CEP63: variants seen among roughly 807,000 people sequenced by gnomAD.
The protein encoded by CEP63 is centrosomal protein 63.
Under a neutral mutation model 89.1 loss-of-function variants are expected in CEP63, and 84 were observed. The observed-to-expected ratio is 0.94, with a 90% CI of 0.79 to 1.13. CEP63 has a LOEUF of 1.13. Ranked by LOEUF, CEP63 falls within the 50% of genes most tolerant of loss-of-function variation. The probability of loss-of-function intolerance (pLI) is 0.00; values close to 1 mark genes in which losing one functional copy is unlikely to be tolerated. For missense variants in CEP63, 838 were observed against 813.3 expected (o/e 1.03, Z -0.37); for synonymous variants, 267 against 272.5 (o/e 0.98, Z 0.20).
the CEP63 span, among the ~76,000 whole-genome samples, chr3:134,715,812 C>T: frequency 6.6e-6 from 1 of 152,072 alleles, no homozygotes; most frequent in Non-Finnish European, 1.5e-5. Context: ...ACACCAGAAC[C>T]CTTTGTTCAA....
the CEP63 span, among the ~76,000 whole-genome samples, chr3:134,719,875 G>A: frequency 2.7e-3 from 407 of 152,214 alleles, 1 homozygote; most frequent in Non-Finnish European, 3.4e-3. Context: ...ACTCATCAAC[G>A]AATGAACATT....
chr3:134,764,257 C>T, the CEP63 span, among the ~76,000 whole-genome samples: 2 of 152,136 alleles, frequency 1.3e-5, no homozygotes, highest in Admixed American at 6.6e-5. Context: ...GTTGGGTTTG[C>T]CCTTTCCAAA....
chr3:134,537,850 G>T (rs192060601), intron 6 of CEP63, among the ~76,000 whole-genome samples: 107 of 152,290 alleles, frequency 7.0e-4, no homozygotes, highest in East Asian at 3.9e-4. Flanking sequence ...CATGGCAATG[G>T]TGTGCACACC....
At chr3:134,755,340 G>C in the CEP63 span, among the ~76,000 whole-genome samples, 2 of 152,192 alleles carry the variant, frequency 1.3e-5, no homozygotes, top group African/African-American at 4.8e-5. Context: ...CTCTAGTGGA[G>C]AGTCTGTGAA....
the CEP63 span, among the ~76,000 whole-genome samples, chr3:134,704,676 C>T: frequency 6.6e-6 from 1 of 152,236 alleles, no homozygotes; most frequent in Non-Finnish European, 1.5e-5. Flanking sequence ...AGGGAGTCTG[C>T]TCCCAGACAC....
At position 134,563,226 on chromosome 3, in the gene CEP63, T is replaced by G. The variant is rs1399140601; in HGVS notation, c.*1691T>G. 6.6e-6 allele frequency: 1 copy of G among 152,314 alleles called. No homozygotes were observed. Among genetic ancestry groups the G allele is most frequent in the African/African-American group, 2.4e-5 (1 of 41,434 alleles). 9.4% of individuals were successfully genotyped at this position (152,314 alleles called of 1,614,324 possible). A position where few individuals can be genotyped will look rare whatever the true frequency, so the allele number is the denominator to read the frequency against. On this transcript the variant is annotated 3_prime_UTR_variant, in exon 15 of 15. Transcript: ENST00000675561. ...GGTCCTGTCATTTCTTCCCCCAGAA[T>G]CTTATCTCAGACCCAACCGTTTCCC...
rs6806608 is a variant in CEP63 at position 134,547,001 on chromosome 3, A to G, written c.930-334A>G. ...AGCCCTCTTGCTTGATTTAAGTCTG[A>G]TGCACACTTTTATTTTTGCCAGAAT... On this transcript the variant is annotated intron_variant, in intron 8 of 14. Transcript: ENST00000675561. 1 allele frequency among the ~76,000 whole-genome samples: 151,834 copies of G among 152,336 alleles called. 75,671 individuals are homozygous for G. The highest frequency in any genetic ancestry group is 1 in the Middle Eastern group (294 of 294).
At chr3:134,516,755 TG>T (rs1325773676) in intron 3 of CEP63, among the ~76,000 whole-genome samples, 1 of 152,190 alleles carries the variant, frequency 6.6e-6, no homozygotes, top group Non-Finnish European at 1.5e-5. Flanking sequence ...AGCACAGGGT[TG>T]GGGGTAAGGT....
intron 10 of CEP63, among the ~76,000 whole-genome samples, chr3:134,549,638 T>A (rs1369202961): frequency 1.3e-5 from 2 of 152,206 alleles, no homozygotes; most frequent in Non-Finnish European, 2.9e-5. Context: ...CCTATTTGTT[T>A]GATTTGTATT....
chr3:134,746,736 A>G, the CEP63 span, among the ~76,000 whole-genome samples: 25 of 152,266 alleles, frequency 1.6e-4, no homozygotes, highest in Non-Finnish European at 2.9e-4. Context: ...TTTGAGAAGT[A>G]TCTGTTCATA....
the CEP63 span, among the ~76,000 whole-genome samples, chr3:134,673,185 C>T: frequency 1.3e-5 from 2 of 152,162 alleles, no homozygotes; most frequent in Non-Finnish European, 2.9e-5. Context: ...GAGATACCAC[C>T]ATCCATCAAG....
intron 11 of CEP63, among the ~76,000 whole-genome samples, chr3:134,570,920 A>G (rs372663188): frequency 2.6e-5 from 4 of 152,216 alleles, no homozygotes; most frequent in African/African-American, 7.2e-5. Context: ...GCAGGCAAAA[A>G]GAGAGCCTGT....
chr3:134,613,576 A>G, the CEP63 span, among the ~76,000 whole-genome samples: 1 of 152,218 alleles, frequency 6.6e-6, no homozygotes, highest in African/African-American at 2.4e-5. Flanking sequence ...TTGGCATTAA[A>G]TGATCTCCAG....
At chr3:134,700,784 C>A in the CEP63 span, among the ~76,000 whole-genome samples, 2 of 152,056 alleles carry the variant, frequency 1.3e-5, no homozygotes, top group African/African-American at 4.8e-5. Flanking sequence ...ACCCCACTCC[C>A]CTGTTTTCAG....
At chr3:134,689,424 A>G in the CEP63 span, among the ~76,000 whole-genome samples, 1 of 146,024 alleles carries the variant, frequency 6.8e-6, no homozygotes, top group Admixed American at 6.9e-5. Context: ...TGGTTTGTAA[A>G]TAATGTAAAG....
chr3:134,649,969 G>T, the CEP63 span, among the ~76,000 whole-genome samples: 1 of 152,200 alleles, frequency 6.6e-6, no homozygotes, highest in Non-Finnish European at 1.5e-5. Context: ...CTGGCCCGCA[G>T]TCCGCCTAGT....
At chr3:134,619,077 G>A in the CEP63 span, 1 of 1,282,436 alleles carries the variant, frequency 7.8e-7, no homozygotes, top group Non-Finnish European at 1.1e-6. Context: ...TGTGGGCAAA[G>A]GCACATGGCA....
At chr3:134,588,287 T>G (rs1958526655), downstream of CEP63, among the ~76,000 whole-genome samples, 1 of 152,004 alleles carries the variant, frequency 6.6e-6, no homozygotes. Flanking sequence ...AGACTCTATC[T>G]CAAAAATAAA....
At chr3:134,741,987 A>T in the CEP63 span, among the ~76,000 whole-genome samples, 3 of 147,508 alleles carry the variant, frequency 2.0e-5, no homozygotes, top group Admixed American at 1.4e-4. Context: ...CTGAGAGACC[A>T]GTGTGTGTGT....
Sources: gnomAD v4.1 joint callset for allele counts (sites outside exome capture counted in the v4.1 genomes callset) on GRCh38, gnomAD v4.1.1 for gene constraint, MANE v1.5 for transcripts, NCBI Gene and HGNC (gene_info 2026-07-23, HGNC 2026-07-21) for gene names.